TEX11: variants seen among roughly 807,000 people sequenced by gnomAD.
TEX11 encodes the protein testis expressed 11.
In TEX11, 7 loss-of-function variants were observed where a neutral mutation model predicts 84.4. The ratio of observed to expected loss-of-function variants is 0.08; its 90% CI spans 0.05 to 0.16. The LOEUF is 0.16. Ranked by LOEUF, TEX11 falls within the 10% of genes least tolerant of loss-of-function variation. The pLI, the probability that TEX11 is intolerant of heterozygous loss-of-function variation, is 1.00. For synonymous variants in TEX11, 264 were observed against 222.8 expected, an observed-to-expected ratio of 1.18 and a Z score of -1.64; for missense variants, 551 against 660.5, an observed-to-expected ratio of 0.83 and a Z score of 1.82.
At chrX:70,685,750 CT>C in intron 13 of TEX11, among the ~76,000 whole-genome samples, 1 of 111,848 alleles carries the variant, frequency 8.9e-6, no homozygotes, top group East Asian at 2.8e-4. Flanking sequence ...TGTTTTTTGA[CT>C]TTTTAATAAT....
At chrX:70,569,308 T>C (rs1164581374) in intron 25 of TEX11, among the ~76,000 whole-genome samples, 1 of 111,724 alleles carries the variant, frequency 9.0e-6, no homozygotes, top group East Asian at 2.8e-4. Flanking sequence ...TATATTCGTC[T>C]AAATTTTTTT....
At chrX:70,679,595 C>T (rs1233995104) in intron 14 of TEX11, among the ~76,000 whole-genome samples, 2 of 109,996 alleles carry the variant, frequency 1.8e-5, no homozygotes, top group Non-Finnish European at 3.8e-5. Context: ...GGCAACCGCC[C>T]CGTCTGAGAA....
chrX:70,663,332 G>C (rs1241347940), intron 16 of TEX11, among the ~76,000 whole-genome samples: 3 of 111,348 alleles, frequency 2.7e-5, no homozygotes, highest in Admixed American at 9.5e-5. Flanking sequence ...AATTAAGAAA[G>C]GGTTTCCTTA....
rs372891260 is a variant in TEX11, at chrX:70,744,669, T to C, written c.693-450A>G. Among the ~76,000 whole-genome samples, 7 of 109,989 alleles carry C rather than the reference T, an allele frequency of 6.4e-5. No homozygotes were observed. The South Asian group carries it at 2.6e-3, about 41-fold the overall frequency. On this transcript the variant is annotated intron_variant, in intron 9 of 29. Transcript: ENST00000374333. ...GTGTATACAAGCTCTTAGTTGGCCA[T>C]TTAAAGTTGAAGGAATATAAATATA...
chrX:70,721,081 G>T (rs1197501453), intron 13 of TEX11, among the ~76,000 whole-genome samples: 1 of 111,338 alleles, frequency 9.0e-6, no homozygotes, highest in East Asian at 2.8e-4. Context: ...GCAAAATGGG[G>T]TTAATCAAAT....
chrX:70,886,789 T>A (rs2091711450), intron 2 of TEX11, among the ~76,000 whole-genome samples: 1 of 111,571 alleles, frequency 9.0e-6, no homozygotes, highest in Non-Finnish European at 1.9e-5. Context: ...ACCTACAAAC[T>A]GGGCTCATCG....
chrX:70,806,066 A>G (rs2091217242), intron 9 of TEX11, among the ~76,000 whole-genome samples: 1 of 112,174 alleles, frequency 8.9e-6, no homozygotes, highest in African/African-American at 3.2e-5. Flanking sequence ...TTGCCAGACA[A>G]CAATAAGTAT....
At chrX:70,545,983 T>C (rs2088117364) in intron 28 of TEX11, among the ~76,000 whole-genome samples, 1 of 112,356 alleles carries the variant, frequency 8.9e-6, no homozygotes, top group African/African-American at 3.2e-5. Context: ...TGTGTAACTT[T>C]AAGCAAGGCA....
intron 9 of TEX11, among the ~76,000 whole-genome samples, chrX:70,752,727 A>G (rs764855766): frequency 9.1e-5 from 10 of 110,056 alleles, no homozygotes; most frequent in Non-Finnish European, 1.7e-4. Context: ...ACACAAAAAA[A>G]TCACCTTCCT....
At chrX:70,886,475 T>A (rs7890786) in intron 2 of TEX11, among the ~76,000 whole-genome samples, 22,380 of 110,697 alleles carry the variant, frequency 0.2, 1,730 homozygotes, top group African/African-American at 0.23. Context: ...ACGGGCATAA[T>A]GTTTCAGTCA....
chrX:70,605,352 T>G (rs747016849), intron 24 of TEX11, 49 bp downstream of exon 24: 6 of 872,641 alleles, frequency 6.9e-6, no homozygotes, highest in Non-Finnish European at 8.3e-6. Flanking sequence ...GGCAAACATA[T>G]CAAATAGCAC....
intron 28 of TEX11, among the ~76,000 whole-genome samples, chrX:70,534,163 C>CAAGAGTAG (rs1307309139): frequency 9.7e-6 from 1 of 102,907 alleles, no homozygotes; most frequent in Non-Finnish European, 2.0e-5. Context: ...AGGAAGAAAG[C>CAAGAGTAG]AAGAGTAGAT....
At chrX:70,621,567 TATATATATATAAATAA>T (rs1569360952) in intron 20 of TEX11, among the ~76,000 whole-genome samples, 1 of 55,772 alleles carries the variant, frequency 1.8e-5, no homozygotes, top group Non-Finnish European at 3.2e-5. Flanking sequence ...TATATATATA[TATATATATATAAATAA>T]AAATAAAATA....
At position 70,880,122 on chromosome X, in the gene TEX11, T is replaced by C; in HGVS notation, c.38-13A>G. 1 of 1,165,098 alleles carries C rather than the reference T, an allele frequency of 8.6e-7. No individual in the cohort carries two copies. Among genetic ancestry groups the C allele is most frequent in the Non-Finnish European group, 1.2e-6 (1 of 865,884 alleles). On this transcript the variant is annotated splice_polypyrimidine_tract_variant and intron_variant, in intron 2 of 29. Coordinates refer to ENST00000374333, the MANE Select transcript of TEX11 (RefSeq NM_031276.3). ...TTTTCAACAACTTCTGAAATGACAA[T>C]GGATGATAAATGTGCTGTGAACTAT...
At chrX:70,908,280 G>A (rs2091845207) in intron 1 of TEX11, among the ~76,000 whole-genome samples, 1 of 110,489 alleles carries the variant, frequency 9.1e-6, no homozygotes, top group African/African-American at 3.3e-5. Flanking sequence ...CCGGTTTTCA[G>A]TGGCCCACCA....
chrX:70,544,383 T>G (rs993632684), intron 28 of TEX11, among the ~76,000 whole-genome samples: 5 of 104,768 alleles, frequency 4.8e-5, no homozygotes, highest in Non-Finnish European at 9.8e-5. Context: ...ACAAATTAGC[T>G]GGGTGTGGTG....
At chrX:70,539,651 G>A (rs934749657) in intron 28 of TEX11, among the ~76,000 whole-genome samples, 3 of 111,167 alleles carry the variant, frequency 2.7e-5, no homozygotes, top group Non-Finnish European at 1.9e-5. Flanking sequence ...AATGAACCAA[G>A]AAATTTCCAC....
chrX:70,573,063 T>G (rs2147466389), intron 25 of TEX11, among the ~76,000 whole-genome samples: 1 of 111,663 alleles, frequency 9.0e-6, no homozygotes, highest in African/African-American at 3.2e-5. Flanking sequence ...CAAACCATAA[T>G]AAGATATATA....
At chrX:70,723,974 A>C in intron 12 of TEX11, 2 of 474,197 alleles carry the variant, frequency 4.2e-6, no homozygotes, top group Non-Finnish European at 5.2e-6. Flanking sequence ...CTGTAATCAA[A>C]CTATGACTGA....
Sources: gnomAD v4.1 joint callset for allele counts (sites outside exome capture counted in the v4.1 genomes callset) on GRCh38, gnomAD v4.1.1 for gene constraint, MANE v1.5 for transcripts, NCBI Gene and HGNC (gene_info 2026-07-23, HGNC 2026-07-21) for gene names.